Variants in TMEM108 observed in about 807,000 individuals in gnomAD.
TMEM108 encodes the protein transmembrane protein 108.
Under a neutral mutation model 35.1 loss-of-function variants are expected in TMEM108, and 12 were observed. The ratio of observed to expected loss-of-function variants is 0.34; its 90% CI spans 0.22 to 0.55. The LOEUF is 0.55. Among genes scored for constraint, TMEM108 ranks in the 20% least tolerant of loss-of-function variants. TMEM108 has a pLI of 0.89. For synonymous variants in TMEM108, 287 were observed against 308.6 expected, an observed-to-expected ratio of 0.93 and a Z score of 0.73; for missense variants, 680 against 753.3, an observed-to-expected ratio of 0.90 and a Z score of 1.14.
At chr3:133,374,842 A>G (rs753187219) in intron 3 of TMEM108, among the ~76,000 whole-genome samples, 4 of 152,242 alleles carry the variant, frequency 2.6e-5, no homozygotes, top group Non-Finnish European at 5.9e-5. Context: ...ACAATAGAGA[A>G]TCAGTTCTCC....
intron 3 of TMEM108, among the ~76,000 whole-genome samples, chr3:133,281,333 A>G (rs11929700): frequency 0.045 from 6,853 of 152,268 alleles, 518 homozygotes; most frequent in African/African-American, 0.16. Flanking sequence ...GAAAATAAAT[A>G]ACCACTTTAG....
chr3:133,159,226 G>A (rs1450436771), intron 2 of TMEM108, among the ~76,000 whole-genome samples: 1 of 152,124 alleles, frequency 6.6e-6, no homozygotes, highest in Non-Finnish European at 1.5e-5. Flanking sequence ...TGATGAGTAG[G>A]AATTTATCAC....
At chr3:133,222,187 C>T (rs1946001902) in intron 2 of TMEM108, among the ~76,000 whole-genome samples, 1 of 151,938 alleles carries the variant, frequency 6.6e-6, no homozygotes, top group Non-Finnish European at 1.5e-5. Flanking sequence ...TTGCTGGTTT[C>T]AGGGGTTTTT....
At chr3:133,040,461 C>A (rs1269181325) in intron 1 of TMEM108, among the ~76,000 whole-genome samples, 1 of 152,056 alleles carries the variant, frequency 6.6e-6, no homozygotes, top group Non-Finnish European at 1.5e-5. Flanking sequence ...CCTCAGCCTC[C>A]CAAAGTGCTG....
intron 3 of TMEM108, among the ~76,000 whole-genome samples, chr3:133,234,863 T>C (rs1438296164): frequency 6.6e-6 from 1 of 152,210 alleles, no homozygotes; most frequent in Non-Finnish European, 1.5e-5. Context: ...CATTGTCCTC[T>C]CAGCCCAAAA....
At chr3:133,106,175 GTTTT>G (rs745343008) in intron 2 of TMEM108, among the ~76,000 whole-genome samples, 1 of 89,682 alleles carries the variant, frequency 1.1e-5, no homozygotes. Context: ...GAGGTTAAAG[GTTTT>G]TTTTTTTTTT....
chr3:133,162,517 T>C (rs1468472259), intron 2 of TMEM108, among the ~76,000 whole-genome samples: 2 of 152,234 alleles, frequency 1.3e-5, no homozygotes, highest in African/African-American at 4.8e-5. Flanking sequence ...TCCTGGTCAC[T>C]TTTTATCTCT....
At chr3:133,247,110 A>G (rs987163318) in intron 3 of TMEM108, 1 of 152,214 alleles carries the variant, frequency 6.6e-6, no homozygotes, top group African/African-American at 2.4e-5. Flanking sequence ...TGTCTCAAAT[A>G]AAACCTTCAA....
At chr3:133,328,971 T>C (rs1270011909) in intron 3 of TMEM108, among the ~76,000 whole-genome samples, 1 of 152,056 alleles carries the variant, frequency 6.6e-6, no homozygotes, top group Non-Finnish European at 1.5e-5. Context: ...TTAAACCTTA[T>C]TACATCATGG....
At chr3:133,369,052 G>A (rs1464281535) in intron 3 of TMEM108, among the ~76,000 whole-genome samples, 2 of 152,178 alleles carry the variant, frequency 1.3e-5, no homozygotes, top group Admixed American at 1.3e-4. Flanking sequence ...GAAAAACGAA[G>A]CTTAACTAAT....
intron 2 of TMEM108, among the ~76,000 whole-genome samples, chr3:133,169,637 T>C (rs1380823953): frequency 6.6e-6 from 1 of 152,106 alleles, no homozygotes; most frequent in African/African-American, 2.4e-5. Context: ...ATTTCCCATG[T>C]AACTCCAGAT....
At chr3:133,242,510 G>T (rs1576406078) in intron 3 of TMEM108, among the ~76,000 whole-genome samples, 1 of 152,210 alleles carries the variant, frequency 6.6e-6, no homozygotes, top group Admixed American at 6.5e-5. Flanking sequence ...TGTTGAGCTG[G>T]TCTAAAAGCT....
At chr3:133,250,086 G>A (rs2107667407) in intron 3 of TMEM108, among the ~76,000 whole-genome samples, 1 of 152,252 alleles carries the variant, frequency 6.6e-6, no homozygotes, top group Middle Eastern at 3.4e-3. Context: ...CTCTTGAGGT[G>A]TCAGTAGAGT....
intron 2 of TMEM108, among the ~76,000 whole-genome samples, chr3:133,093,937 C>A (rs778433407): frequency 1.3e-3 from 203 of 152,234 alleles, no homozygotes; most frequent in Non-Finnish European, 2.4e-3. Flanking sequence ...CTGCCACTTG[C>A]ATTTATAACA....
chr3:133,359,627 C>T (rs762439390), intron 3 of TMEM108, among the ~76,000 whole-genome samples: 1 of 152,190 alleles, frequency 6.6e-6, no homozygotes, highest in East Asian at 1.9e-4. Flanking sequence ...GGGAGAGAGA[C>T]ATCACACAGT....
intron 1 of TMEM108, among the ~76,000 whole-genome samples, chr3:133,044,254 A>AT (rs1190184580): frequency 6.6e-6 from 1 of 151,976 alleles, no homozygotes; most frequent in Non-Finnish European, 1.5e-5. Flanking sequence ...TTATTTTGAG[A>AT]TTTTGGGGGC....
intron 2 of TMEM108, among the ~76,000 whole-genome samples, chr3:133,163,723 C>T (rs1225489204): frequency 2.6e-5 from 4 of 152,176 alleles, no homozygotes; most frequent in Admixed American, 2.6e-4. Context: ...ACCTCCGTGC[C>T]TCACTGAGAG....
At chr3:133,386,075 G>C (rs60275806) in intron 4 of TMEM108, among the ~76,000 whole-genome samples, 1,561 of 152,294 alleles carry the variant, frequency 0.01, 29 homozygotes, top group African/African-American at 0.035. Flanking sequence ...GTTTCTGCCA[G>C]CCAGTGGGAG....
At chr3:133,361,700 T>C (rs976997106) in intron 3 of TMEM108, among the ~76,000 whole-genome samples, 5 of 152,074 alleles carry the variant, frequency 3.3e-5, no homozygotes, top group African/African-American at 1.2e-4. Flanking sequence ...TCTCTCTCCA[T>C]CTCGTGTGGT....
Sources: gnomAD v4.1 joint callset for allele counts (sites outside exome capture counted in the v4.1 genomes callset) on GRCh38, gnomAD v4.1.1 for gene constraint, MANE v1.5 for transcripts, NCBI Gene and HGNC (gene_info 2026-07-23, HGNC 2026-07-21) for gene names.